EPHB1: variants seen among roughly 807,000 people sequenced by gnomAD.
EPHB1 encodes EPH receptor B1, also known as ephrin type-B receptor 1.
In EPHB1, 30 loss-of-function variants were observed where a neutral mutation model predicts 94.4. The ratio of observed to expected loss-of-function variants is 0.32; its 90% confidence interval spans 0.24 to 0.43. The LOEUF (loss-of-function observed/expected upper bound fraction) is 0.43. Among genes scored for constraint, EPHB1 ranks in the 20% least tolerant of loss-of-function variants. The probability of loss-of-function intolerance (pLI) is 1.00; values close to 1 mark genes in which losing one functional copy is unlikely to be tolerated. For missense variants in EPHB1, 1,055 were observed against 1,308.3 expected (o/e 0.81, Z 2.99); for synonymous variants, 522 against 489.1 (o/e 1.07, Z -0.89).
At chr3:135,107,423 C>T (rs1190074303) in intron 4 of EPHB1, among the ~76,000 whole-genome samples, 1 of 143,010 alleles carries the variant, frequency 7.0e-6, no homozygotes, top group East Asian at 1.9e-4. Flanking sequence ...TAATTTGCTC[C>T]TACTCCTCTG....
At position 134,811,256 on chromosome 3, in the gene EPHB1, T is replaced by TTTTTTTTGTTTTTG. The variant is rs1553853019; in HGVS notation, c.58+15574_58+15575insGTTTTTGTTTTTTT. On this transcript the variant is annotated intron_variant, in intron 1 of 15. Coordinates refer to ENST00000398015, the MANE Select transcript of EPHB1 (RefSeq NM_004441.5). ...CTACTAAGAAGGTTTTTTTTTTTTT[T>TTTTTTTTGTTTTTG]TTTTTTTCTGTCTTGCTCTGTCCCC... Among the ~76,000 whole-genome samples the TTTTTTTTGTTTTTG allele has an allele frequency of 5.8e-4, 78 of 134,926 alleles. 1 individual carries two copies. The highest frequency in any genetic ancestry group is 2.0e-3 in the African/African-American group (76 of 37,788). 88.5% of individuals were successfully genotyped at this position (134,926 alleles called of 152,430 possible). A position where few individuals can be genotyped will look rare whatever the true frequency, so the allele number is the denominator to read the frequency against.
At chr3:135,163,663 G>A (rs546354002) in intron 7 of EPHB1, among the ~76,000 whole-genome samples, 107 of 152,284 alleles carry the variant, frequency 7.0e-4, no homozygotes, top group African/African-American at 2.4e-3. Context: ...AAAATGCTCC[G>A]AGTGCTGGTC....
At position 134,908,768 on chromosome 3, in the gene EPHB1, A is replaced by G. The variant is rs185273631; in HGVS notation, c.59-17048A>G. ...AGAGGTGAGGAGGGGGAGGAGGAGG[A>G]AGGTGAGGGCAATGAGGAAGGGCAC... On this transcript the variant is annotated intron_variant, in intron 1 of 15. Transcript: ENST00000398015. Among the ~76,000 whole-genome samples, 172 of 151,802 alleles carry G rather than the reference A, an allele frequency of 1.1e-3. 3 individuals carry two copies. The highest frequency in any genetic ancestry group is 8.8e-4 in the Non-Finnish European group (60 of 67,894).
intron 12 of EPHB1, among the ~76,000 whole-genome samples, chr3:135,231,330 C>T (rs1343538192): frequency 6.6e-6 from 1 of 152,166 alleles, no homozygotes; most frequent in African/African-American, 2.4e-5. Flanking sequence ...TTTGCCCAGT[C>T]AGTATAGTAC....
chr3:135,193,035 T>C (rs1942500667), intron 11 of EPHB1, among the ~76,000 whole-genome samples: 1 of 152,118 alleles, frequency 6.6e-6, no homozygotes, highest in African/African-American at 2.4e-5. Flanking sequence ...AGTAGGGCGT[T>C]GACAAATGCT....
intron 15 of EPHB1, among the ~76,000 whole-genome samples, chr3:135,257,919 G>T (rs184331726): frequency 3.3e-5 from 5 of 151,504 alleles, no homozygotes; most frequent in Non-Finnish European, 7.4e-5. Context: ...CTCGTGGTGC[G>T]CCGTGTTTTA....
In EPHB1 at chr3:134,984,261, T is replaced by C. The variant is rs116670938; in HGVS notation, c.805+32209T>C. ...CTCTTCTGGGTGAGGATCATCCTCT[T>C]GGTGGCCCCACAGCTGTGGGCTCCA... On this transcript the variant is annotated intron_variant, in intron 3 of 15. Transcript: ENST00000398015. Among the ~76,000 whole-genome samples, 830 of 152,206 alleles carry C rather than the reference T, an allele frequency of 5.5e-3. 7 individuals are homozygous for C. Among genetic ancestry groups the C allele is most frequent in the African/African-American group, 0.019 (786 of 41,532 alleles).
At chr3:134,927,062 C>T (rs1339105148) in intron 2 of EPHB1, among the ~76,000 whole-genome samples, 2 of 152,144 alleles carry the variant, frequency 1.3e-5, no homozygotes, top group Non-Finnish European at 2.9e-5. Flanking sequence ...TTCATCCCAG[C>T]CAGTGGGTGA....
chr3:135,252,236 T>TTAAG (rs974995216), intron 15 of EPHB1, among the ~76,000 whole-genome samples: 3 of 151,824 alleles, frequency 2.0e-5, no homozygotes, highest in Non-Finnish European at 4.4e-5. Context: ...TTATTATACT[T>TTAAG]TAAGTTTTAC....
intron 1 of EPHB1, among the ~76,000 whole-genome samples, chr3:134,893,553 C>T (rs924295792): frequency 2.6e-5 from 4 of 152,152 alleles, no homozygotes; most frequent in African/African-American, 9.7e-5. Flanking sequence ...AGTGAGGGAT[C>T]CCAGGGTTGC....
chr3:135,019,562 A>G (rs1053400582), intron 3 of EPHB1, among the ~76,000 whole-genome samples: 1 of 152,266 alleles, frequency 6.6e-6, no homozygotes, highest in African/African-American at 2.4e-5. Context: ...AAAATCACCC[A>G]GAATGACACC....
At chr3:134,938,745 T>C (rs1479506623) in intron 2 of EPHB1, among the ~76,000 whole-genome samples, 1 of 152,202 alleles carries the variant, frequency 6.6e-6, no homozygotes, top group Non-Finnish European at 1.5e-5. Context: ...GGGGTTTAAT[T>C]ACCTTGCAAG....
chr3:135,074,262 T>A (rs1287751011), intron 3 of EPHB1, among the ~76,000 whole-genome samples: 1 of 152,232 alleles, frequency 6.6e-6, no homozygotes, highest in East Asian at 1.9e-4. Flanking sequence ...AGTGGAGTGT[T>A]TAAATATCAT....
chr3:134,937,123 A>C (rs1014074964), intron 2 of EPHB1, among the ~76,000 whole-genome samples: 1 of 152,240 alleles, frequency 6.6e-6, no homozygotes, highest in Non-Finnish European at 1.5e-5. Flanking sequence ...GGGGTTAACC[A>C]GGGACCTTGT....
At chr3:135,022,806 C>T (rs1936029149) in intron 3 of EPHB1, among the ~76,000 whole-genome samples, 1 of 152,176 alleles carries the variant, frequency 6.6e-6, no homozygotes, top group African/African-American at 2.4e-5. Context: ...TTATTACTCA[C>T]CTCCAGCTTC....
chr3:135,248,591 T>C, intron 14 of EPHB1, 82 bp downstream of exon 14: 3 of 1,404,710 alleles, frequency 2.1e-6, no homozygotes, highest in Non-Finnish European at 2.9e-6. Context: ...ACCATGATCA[T>C]GTTCGAATTT....
intron 3 of EPHB1, among the ~76,000 whole-genome samples, chr3:135,080,617 G>A (rs1245507122): frequency 6.6e-6 from 1 of 152,068 alleles, no homozygotes; most frequent in African/African-American, 2.4e-5. Flanking sequence ...TGGGGTGGTG[G>A]CAGTGGGACA....
At chr3:134,930,827 A>G (rs1482572489) in intron 2 of EPHB1, among the ~76,000 whole-genome samples, 4 of 151,994 alleles carry the variant, frequency 2.6e-5, no homozygotes, top group Admixed American at 6.6e-5. Flanking sequence ...TGGGTGCCCC[A>G]TTTTTTTAAG....
At chr3:134,811,349 C>T (rs34239708) in intron 1 of EPHB1, among the ~76,000 whole-genome samples, 9,585 of 141,956 alleles carry the variant, frequency 0.068, 313 homozygotes, top group Middle Eastern at 0.11. Context: ...AGCAATCCTC[C>T]GGCTTCAGCC....
Sources: allele counts gnomAD v4.1 joint callset (sites outside exome capture counted in the v4.1 genomes callset), GRCh38; gene constraint gnomAD v4.1.1; transcripts MANE v1.5; gene names NCBI Gene and HGNC (gene_info 2026-07-23, HGNC 2026-07-21).